The following NLGN1 variants were observed in gnomAD, a reference collection of about 807,000 sequenced individuals.
NLGN1 encodes neuroligin 1.
In NLGN1, 12 loss-of-function variants were observed where a neutral mutation model predicts 65.5. The observed-to-expected ratio is 0.18, with a 90% CI of 0.12 to 0.30. The LOEUF is 0.30. NLGN1 is among the 10% of genes least tolerant of loss of function. NLGN1 has a pLI of 1.00. For synonymous variants in NLGN1, 350 were observed against 359.5 expected, an observed-to-expected ratio of 0.97 and a Z score of 0.30; for missense variants, 750 against 1,007.1, an observed-to-expected ratio of 0.74 and a Z score of 3.46.
chr3:174,247,773 T>A (rs920574244), intron 4 of NLGN1, among the ~76,000 whole-genome samples: 9 of 152,164 alleles, frequency 5.9e-5, no homozygotes, highest in African/African-American at 2.2e-4. Context: ...GAAACCACCC[T>A]GGCTGTGAAA....
intron 4 of NLGN1, among the ~76,000 whole-genome samples, chr3:173,889,666 G>A (rs116126504): frequency 0.011 from 1,676 of 152,162 alleles, 10 homozygotes; most frequent in Middle Eastern, 0.031. Context: ...ACATGAAAAG[G>A]AATAAAAGAA....
intron 4 of NLGN1, among the ~76,000 whole-genome samples, chr3:173,944,099 T>G (rs1746681675): frequency 6.6e-6 from 1 of 150,880 alleles, no homozygotes; most frequent in Non-Finnish European, 1.5e-5. Context: ...ATAAATGTCA[T>G]TTTAAATGTC....
chr3:174,171,531 T>A (rs1728526059), intron 4 of NLGN1, among the ~76,000 whole-genome samples: 1 of 152,170 alleles, frequency 6.6e-6, no homozygotes, highest in East Asian at 1.9e-4. Context: ...CCTTTTCTAA[T>A]AACTCATTTA....
chr3:173,539,875 C>G (rs888153263), intron 2 of NLGN1, among the ~76,000 whole-genome samples: 6 of 112,864 alleles, frequency 5.3e-5, no homozygotes, highest in Non-Finnish European at 7.4e-5. Context: ...TTATATATAT[C>G]TTATATATAT....
chr3:173,445,056 C>G (rs1292667546), intron 2 of NLGN1, among the ~76,000 whole-genome samples: 1 of 151,176 alleles, frequency 6.6e-6, no homozygotes, highest in Non-Finnish European at 1.5e-5. Context: ...ATCACGAGGT[C>G]AGGAGATCGA....
chr3:174,267,125 A>T (rs1425680588), intron 4 of NLGN1, among the ~76,000 whole-genome samples: 4 of 152,216 alleles, frequency 2.6e-5, no homozygotes, highest in Non-Finnish European at 5.9e-5. Context: ...TTGCTCACAA[A>T]CCTGTGTTAG....
At chr3:173,498,039 AC>A (rs1253426073) in intron 2 of NLGN1, among the ~76,000 whole-genome samples, 7 of 151,494 alleles carry the variant, frequency 4.6e-5, no homozygotes, top group Non-Finnish European at 1.0e-4. Flanking sequence ...GTTTCTCTAA[AC>A]CCTGAGTAGG....
chr3:173,911,083 C>T (rs1739488820), intron 4 of NLGN1, among the ~76,000 whole-genome samples: 1 of 152,104 alleles, frequency 6.6e-6, no homozygotes, highest in South Asian at 2.1e-4. Context: ...GAAAAATCTC[C>T]TAAACTCACT....
intron 1 of NLGN1, among the ~76,000 whole-genome samples, chr3:173,413,971 C>T (rs971382327): frequency 4.6e-5 from 7 of 152,322 alleles, no homozygotes; most frequent in Admixed American, 1.3e-4. Flanking sequence ...GTCCCCAGCA[C>T]GCGGTTCCAC....
chr3:173,633,896 C>T (rs553274164), intron 3 of NLGN1, among the ~76,000 whole-genome samples: 1 of 152,218 alleles, frequency 6.6e-6, no homozygotes, highest in African/African-American at 2.4e-5. Context: ...CTTGTTAAAC[C>T]TCTTACATAT....
chr3:173,439,701 A>G (rs140202173), intron 2 of NLGN1, among the ~76,000 whole-genome samples: 106 of 152,250 alleles, frequency 7.0e-4, no homozygotes, highest in African/African-American at 2.5e-3. Flanking sequence ...AGCATGCAAT[A>G]CCACTGAATC....
intron 3 of NLGN1, among the ~76,000 whole-genome samples, chr3:173,745,213 G>A (rs1445720725): frequency 1.3e-5 from 2 of 152,024 alleles, no homozygotes; most frequent in Non-Finnish European, 2.9e-5. Flanking sequence ...TGTGACTAAT[G>A]TCCTCATTAC....
chr3:174,181,087 C>A (rs1268444968), intron 4 of NLGN1, among the ~76,000 whole-genome samples: 1 of 152,086 alleles, frequency 6.6e-6, no homozygotes, highest in South Asian at 2.1e-4. Context: ...ATACTGTGTA[C>A]CTTGATCTGA....
chr3:174,072,431 T>C (rs1740097764), intron 4 of NLGN1, among the ~76,000 whole-genome samples: 1 of 152,126 alleles, frequency 6.6e-6, no homozygotes, highest in Non-Finnish European at 1.5e-5. Flanking sequence ...TGTGCTGTAA[T>C]GGTTATTTGA....
exon 7 of NLGN1, chr3:174,286,033 G>A (rs1206182172): frequency 1.3e-5 from 2 of 151,288 alleles, no homozygotes; most frequent in Admixed American, 1.3e-4. Context: ...TAAATCTCTA[G>A]CAAACTTTAA....
intron 3 of NLGN1, among the ~76,000 whole-genome samples, chr3:173,739,387 G>A (rs947415180): frequency 2.6e-5 from 4 of 151,498 alleles, no homozygotes; most frequent in African/African-American, 4.8e-5. Flanking sequence ...ATTTTAACCC[G>A]AACAAAAGGC....
chr3:173,598,939 G>T (rs946918841), intron 2 of NLGN1, among the ~76,000 whole-genome samples: 5 of 152,096 alleles, frequency 3.3e-5, no homozygotes, highest in Non-Finnish European at 4.4e-5. Context: ...ATACTGGCAG[G>T]AACCAGTCAT....
intron 3 of NLGN1, among the ~76,000 whole-genome samples, chr3:173,779,317 G>A (rs533104425): frequency 2.4e-5 from 3 of 125,190 alleles, no homozygotes; most frequent in South Asian, 4.7e-4. Context: ...CCTCTTAGAT[G>A]TCTTAAATCC....
intron 4 of NLGN1, among the ~76,000 whole-genome samples, chr3:174,110,281 C>G (rs1714900911): frequency 6.6e-6 from 1 of 152,002 alleles, no homozygotes; most frequent in Admixed American, 6.6e-5. Context: ...TTTTCCACAT[C>G]TCCACCTCTC....
Sources: gnomAD v4.1 joint callset for allele counts (sites outside exome capture counted in the v4.1 genomes callset) on GRCh38, gnomAD v4.1.1 for gene constraint, MANE v1.5 for transcripts, NCBI Gene and HGNC (gene_info 2026-07-23, HGNC 2026-07-21) for gene names.